ZNF385D: variants seen among roughly 807,000 people sequenced by gnomAD.
ZNF385D encodes the protein zinc finger protein 659.
In ZNF385D, 15 loss-of-function variants were observed where a neutral mutation model predicts 35.8. The observed-to-expected ratio is 0.42, with a 90% CI of 0.28 to 0.64. ZNF385D has a LOEUF of 0.64. Among genes scored for constraint, ZNF385D ranks in the 30% least tolerant of loss-of-function variants. The pLI is 0.23. For missense variants in ZNF385D, 474 were observed against 494.6 expected (o/e 0.96, Z 0.39); for synonymous variants, 212 against 186.8 (o/e 1.13, Z -1.10).
At chr3:22,012,930 C>T (rs1027195333) in intron 3 of ZNF385D, among the ~76,000 whole-genome samples, 9 of 151,884 alleles carry the variant, frequency 5.9e-5, no homozygotes, top group South Asian at 2.1e-4. Flanking sequence ...ACTCAACGAC[C>T]GCATTTAGTG....
intron 3 of ZNF385D, among the ~76,000 whole-genome samples, chr3:22,118,767 G>C (rs1016576376): frequency 1.3e-5 from 2 of 151,968 alleles, no homozygotes; most frequent in Admixed American, 6.6e-5. Flanking sequence ...ATAGTTCTGG[G>C]TTTAGAATTT....
chr3:21,708,257 CTTA>C (rs764413711), intron 1 of ZNF385D, among the ~76,000 whole-genome samples: 120 of 152,168 alleles, frequency 7.9e-4, no homozygotes, highest in Non-Finnish European at 1.3e-3. Flanking sequence ...CTGCTAAGAA[CTTA>C]TTATGTTCTA....
At chr3:21,859,998 AAAAAG>A (rs559769166) in intron 3 of ZNF385D, among the ~76,000 whole-genome samples, 167 of 152,188 alleles carry the variant, frequency 1.1e-3, no homozygotes, top group African/African-American at 2.5e-3. Flanking sequence ...TCAGAAATTA[AAAAAG>A]AAAAGAAAAG....
intron 2 of ZNF385D, among the ~76,000 whole-genome samples, chr3:21,655,356 G>T (rs11129014): frequency 0.44 from 66,482 of 151,756 alleles, 16,092 homozygotes; most frequent in Non-Finnish European, 0.54. Flanking sequence ...GTTTAGTGTT[G>T]TTGCTTTTTC....
At chr3:22,108,352 A>C (rs922555260) in intron 3 of ZNF385D, among the ~76,000 whole-genome samples, 1 of 151,534 alleles carries the variant, frequency 6.6e-6, no homozygotes, top group Non-Finnish European at 1.5e-5. Flanking sequence ...TATACATATA[A>C]TGAAAGGTTT....
At chr3:22,135,425 C>G (rs746796180) in intron 3 of ZNF385D, among the ~76,000 whole-genome samples, 1 of 152,126 alleles carries the variant, frequency 6.6e-6, no homozygotes, top group South Asian at 2.1e-4. Context: ...GTTTCAAACA[C>G]TGTAACACCT....
intron 3 of ZNF385D, among the ~76,000 whole-genome samples, chr3:21,758,019 C>T (rs1457742224): frequency 6.6e-6 from 1 of 152,182 alleles, no homozygotes; most frequent in Non-Finnish European, 1.5e-5. Context: ...ATGCCCTTTT[C>T]TGTTCCCCTT....
intron 3 of ZNF385D, among the ~76,000 whole-genome samples, chr3:21,859,875 C>T (rs1336545137): frequency 1.3e-5 from 2 of 152,050 alleles, no homozygotes; most frequent in East Asian, 1.9e-4. Flanking sequence ...CAGATCTTCC[C>T]GAAGATTCAT....
intron 3 of ZNF385D, among the ~76,000 whole-genome samples, chr3:22,058,166 T>C (rs962025847): frequency 4.6e-5 from 7 of 151,400 alleles, no homozygotes; most frequent in East Asian, 2.0e-4. Flanking sequence ...AACTCATAAG[T>C]TGATAATTCA....
intron 3 of ZNF385D, among the ~76,000 whole-genome samples, chr3:21,527,877 G>C (rs566423099): frequency 6.6e-6 from 1 of 152,266 alleles, no homozygotes; most frequent in Non-Finnish European, 1.5e-5. Context: ...AGCACTAAGA[G>C]CGTAAAGATA....
chr3:21,681,842 T>C (rs547185704), intron 1 of ZNF385D, among the ~76,000 whole-genome samples: 15 of 152,110 alleles, frequency 9.9e-5, no homozygotes, highest in African/African-American at 3.4e-4. Flanking sequence ...AAAGATTTCA[T>C]TGATTTACTG....
intron 3 of ZNF385D, among the ~76,000 whole-genome samples, chr3:22,014,806 C>T (rs1044311144): frequency 5.9e-5 from 9 of 152,042 alleles, no homozygotes; most frequent in African/African-American, 1.9e-4. Context: ...ATGCACAATA[C>T]AATAAATACT....
chr3:21,727,667 C>T (rs2068825137), intron 1 of ZNF385D, among the ~76,000 whole-genome samples: 1 of 152,156 alleles, frequency 6.6e-6, no homozygotes, highest in Non-Finnish European at 1.5e-5. Context: ...CAGGAAACAA[C>T]AGATGCTGGA....
At chr3:21,858,008 A>G (rs1017145965) in intron 3 of ZNF385D, among the ~76,000 whole-genome samples, 1 of 151,992 alleles carries the variant, frequency 6.6e-6, no homozygotes, top group African/African-American at 2.4e-5. Flanking sequence ...CTAAAAATAC[A>G]AAATTTAGTT....
intron 3 of ZNF385D, among the ~76,000 whole-genome samples, chr3:21,867,974 C>T (rs1697463980): frequency 6.6e-6 from 1 of 152,128 alleles, no homozygotes; most frequent in African/African-American, 2.4e-5. Context: ...TTGACCAGTA[C>T]AGCCTTAAAC....
chr3:21,826,219 T>C (rs1197327685), intron 3 of ZNF385D, among the ~76,000 whole-genome samples: 1 of 152,158 alleles, frequency 6.6e-6, no homozygotes, highest in African/African-American at 2.4e-5. Flanking sequence ...TAGACTAAAC[T>C]GTTGAAGGCT....
At chr3:22,327,728 T>G (rs563914675) in intron 2 of ZNF385D, among the ~76,000 whole-genome samples, 1 of 152,304 alleles carries the variant, frequency 6.6e-6, no homozygotes, top group South Asian at 2.1e-4. Flanking sequence ...GATGTGTATT[T>G]AAACGGAGCT....
chr3:21,614,680 C>A (rs1212213212), intron 2 of ZNF385D, among the ~76,000 whole-genome samples: 3 of 152,176 alleles, frequency 2.0e-5, no homozygotes, highest in Non-Finnish European at 4.4e-5. Flanking sequence ...CCTCTGCCTC[C>A]CAGGTTCAAG....
intron 3 of ZNF385D, among the ~76,000 whole-genome samples, chr3:21,779,854 T>C (rs1475634221): frequency 6.6e-6 from 1 of 151,960 alleles, no homozygotes; most frequent in Non-Finnish European, 1.5e-5. Flanking sequence ...TTCCAAATAA[T>C]TTATTCTTTT....
Sources: gnomAD v4.1 joint callset for allele counts (sites outside exome capture counted in the v4.1 genomes callset) on GRCh38, gnomAD v4.1.1 for gene constraint, MANE v1.5 for transcripts, NCBI Gene and HGNC (gene_info 2026-07-23, HGNC 2026-07-21) for gene names.